Variants in HADHB observed in about 807,000 individuals in gnomAD.
HADHB encodes hydroxyacyl-CoA dehydrogenase trifunctional multienzyme complex subunit beta, also known as trifunctional enzyme subunit beta, mitochondrial.
In HADHB, 50 loss-of-function variants were observed where a neutral mutation model predicts 61.9. The observed-to-expected ratio is 0.81, with a 90% CI of 0.64 to 1.02. HADHB has a LOEUF of 1.02. HADHB is among the 50% of genes least tolerant of loss of function. HADHB has a pLI of 0.00. For synonymous variants in HADHB, 191 were observed against 201.6 expected (o/e 0.95, Z 0.45); for missense variants, 504 against 586.5 (o/e 0.86, Z 1.45).
intron 8 of HADHB, 22 bp from the exon 9 acceptor site, chr2:26,279,113 C>G: frequency 6.2e-7 from 1 of 1,600,632 alleles, no homozygotes; most frequent in Non-Finnish European, 8.6e-7. Flanking sequence ...TGTACCTGCT[C>G]CTTGGATATC....
intron 7 of HADHB, among the ~76,000 whole-genome samples, 197 bp downstream of exon 7, chr2:26,277,357 G>T (rs1391499180): frequency 1.3e-5 from 2 of 150,584 alleles, no homozygotes; most frequent in Non-Finnish European, 2.9e-5. Context: ...CCTGCCTTAG[G>T]ATCCCAAGTA....
At chr2:26,263,197 G>A (rs762888164) in intron 3 of HADHB, among the ~76,000 whole-genome samples, 183 bp from the exon 4 acceptor site, 9 of 151,862 alleles carry the variant, frequency 5.9e-5, no homozygotes, top group Non-Finnish European at 1.0e-4. Context: ...TACTCAGGAG[G>A]TTGAGGCAGG....
intron 4 of HADHB, among the ~76,000 whole-genome samples, chr2:26,266,749 G>A (rs373879649): frequency 1.3e-5 from 2 of 151,048 alleles, no homozygotes; most frequent in South Asian, 2.1e-4. Flanking sequence ...GCATGGTGGC[G>A]TGCACCTGTA....
At chr2:26,265,739 T>C (rs1264617804) in intron 4 of HADHB, among the ~76,000 whole-genome samples, 1 of 152,236 alleles carries the variant, frequency 6.6e-6, no homozygotes, top group Non-Finnish European at 1.5e-5. Context: ...GTTCCTTTCT[T>C]TGTTGTGTAT....
chr2:26,260,713 A>G (rs879638578), intron 3 of HADHB: 1 of 365,118 alleles, frequency 2.7e-6, no homozygotes, highest in African/African-American at 2.1e-5. Context: ...TAAGGATGAG[A>G]AGGTTTGTGT....
chr2:26,282,212 C>T (rs189257018), intron 10 of HADHB, among the ~76,000 whole-genome samples: 70 of 146,510 alleles, frequency 4.8e-4, no homozygotes, highest in Admixed American at 6.1e-4. Context: ...AAAACTTTGG[C>T]TTAAATAAGT....
At chr2:26,245,145 CA>C (rs1247473733) in intron 1 of HADHB, 155 bp downstream of exon 1, 1 of 219,040 alleles carries the variant, frequency 4.6e-6, no homozygotes, top group African/African-American at 2.3e-5. Context: ...ACAAGGTCGG[CA>C]GTGCTAGCTG....
chr2:26,248,895 A>G (rs992477770), intron 1 of HADHB, among the ~76,000 whole-genome samples: 6 of 152,114 alleles, frequency 3.9e-5, no homozygotes, highest in Non-Finnish European at 5.9e-5. Context: ...CATCTCTGCT[A>G]AAAATACAAA....
intron 4 of HADHB, among the ~76,000 whole-genome samples, chr2:26,264,448 G>A (rs1671984665): frequency 6.6e-6 from 1 of 151,190 alleles, no homozygotes; most frequent in Admixed American, 6.6e-5. Context: ...TACTCAGGAG[G>A]CTGAGGTGGG....
intron 1 of HADHB, among the ~76,000 whole-genome samples, chr2:26,251,422 A>G (rs1367726496): frequency 6.6e-6 from 1 of 151,988 alleles, no homozygotes; most frequent in Non-Finnish European, 1.5e-5. Context: ...TCCTGGGCTC[A>G]AGTGATCCTC....
rs1232979244 is a variant in HADHB at position 26,286,807 on chromosome 2, G to GT, written c.1389+1241dup. Reference sequence around the variant, plus strand: ...AGGCATGAGCCACTGTGCCTGGCCTGTTTTTGTTTTTTTTTTTTTTTTTTA... The same window carrying GT: ...AGGCATGAGCCACTGTGCCTGGCCTGTTTTTTGTTTTTTTTTTTTTTTTTTA... On this transcript the variant is annotated intron_variant, in intron 15 of 15. Transcript: ENST00000317799. 5.0e-3 allele frequency among the ~76,000 whole-genome samples: 657 copies of GT among 130,824 alleles called. 7 individuals carry two copies. Among genetic ancestry groups the GT allele is most frequent in the African/African-American group, 0.016 (519 of 33,356 alleles). The allele number at this position is 130,824 out of a possible 152,430, so 85.8% of individuals were successfully genotyped here.
At chr2:26,272,592 G>A (rs528288451) in intron 5 of HADHB, among the ~76,000 whole-genome samples, 6 of 150,714 alleles carry the variant, frequency 4.0e-5, no homozygotes, top group South Asian at 4.2e-4. Flanking sequence ...CAAGTGATCC[G>A]CCTGCCTCGG....
chr2:26,289,283 T>C (rs1277635661), intron 15 of HADHB, among the ~76,000 whole-genome samples: 1 of 152,064 alleles, frequency 6.6e-6, no homozygotes, highest in African/African-American at 2.4e-5. Flanking sequence ...AAAAGAAAGA[T>C]ATTCTACTTC....
chr2:26,269,185 C>T (rs1033763766), intron 4 of HADHB, among the ~76,000 whole-genome samples: 1 of 151,054 alleles, frequency 6.6e-6, no homozygotes, highest in African/African-American at 2.4e-5. Flanking sequence ...GAAAGAGGAA[C>T]TCTGCTCTCT....
chr2:26,264,510 A>C (rs1302972969), intron 4 of HADHB, among the ~76,000 whole-genome samples: 1 of 140,526 alleles, frequency 7.1e-6, no homozygotes, highest in African/African-American at 2.7e-5. Context: ...TGATCATGCT[A>C]CTACCTATAC....
chr2:26,282,961 T>C, intron 11 of HADHB, 37 bp downstream of exon 11: 3 of 1,602,494 alleles, frequency 1.9e-6, no homozygotes, highest in Non-Finnish European at 2.6e-6. Context: ...CTCTGATTTC[T>C]TTATTTTATT....
chr2:26,244,939 A>T lies in HADHB; in HGVS notation c.-60A>T, dbSNP rs1671058746. ...CCCCTTGGTCCCGCAGAGCCTTGGT[A>T]CTTGGACCTGAACCTTGCTCCGAGA... On this transcript the variant is annotated 5_prime_UTR_variant, in exon 1 of 16. Coordinates refer to ENST00000317799, the MANE Select transcript of HADHB (RefSeq NM_000183.3). 2 of 412,528 alleles carry T rather than the reference A, an allele frequency of 4.8e-6. No homozygotes were observed. The highest frequency in any genetic ancestry group is 5.2e-5 in the East Asian group (1 of 19,218). 25.6% of individuals were successfully genotyped at this position (412,528 alleles called of 1,614,324 possible).
intron 3 of HADHB, chr2:26,260,827 T>C: frequency 1.0e-5 from 6 of 596,212 alleles, no homozygotes; most frequent in Non-Finnish European, 1.5e-5. Flanking sequence ...TCTTTCTGCT[T>C]CTATCATTCT....
intron 3 of HADHB, among the ~76,000 whole-genome samples, chr2:26,256,075 T>C (rs1671596016): frequency 6.6e-6 from 1 of 152,250 alleles, no homozygotes; most frequent in Non-Finnish European, 1.5e-5. Flanking sequence ...CCCAACTGTA[T>C]TGTAAGCCCT....
Sources: allele counts gnomAD v4.1 joint callset (sites outside exome capture counted in the v4.1 genomes callset), GRCh38; gene constraint gnomAD v4.1.1; transcripts MANE v1.5; gene names NCBI Gene and HGNC (gene_info 2026-07-23, HGNC 2026-07-21).